EXOC4: variants seen among roughly 807,000 people sequenced by gnomAD.
EXOC4 encodes exocyst complex component 4, also known as SEC8-like 1.
A neutral mutation model predicts 107.2 loss-of-function variants in EXOC4; 71 were observed. The observed-to-expected ratio is 0.66, with a 90% CI of 0.55 to 0.81. The LOEUF (loss-of-function observed/expected upper bound fraction) is 0.81. Ranked by LOEUF, EXOC4 falls within the 30% of genes least tolerant of loss-of-function variation. The pLI is 0.00. For missense variants in EXOC4, 1,108 were observed against 1,189.6 expected, an observed-to-expected ratio of 0.93 and a Z score of 1.01; for synonymous variants, 456 against 441.2, an observed-to-expected ratio of 1.03 and a Z score of -0.42.
chr7:133,917,212 G>A (rs1434918014), intron 12 of EXOC4, among the ~76,000 whole-genome samples: 1 of 152,178 alleles, frequency 6.6e-6, no homozygotes, highest in Non-Finnish European at 1.5e-5. Flanking sequence ...TACTAGTTAT[G>A]TTGTCACTTA....
At chr7:133,325,325 G>A (rs1355382095) in intron 5 of EXOC4, among the ~76,000 whole-genome samples, 3 of 152,128 alleles carry the variant, frequency 2.0e-5, no homozygotes, top group Non-Finnish European at 4.4e-5. Flanking sequence ...TTACAGTTTG[G>A]CATGTTTTTG....
At chr7:133,968,984 A>G (rs1264794352) in intron 14 of EXOC4, among the ~76,000 whole-genome samples, 1 of 152,088 alleles carries the variant, frequency 6.6e-6, no homozygotes, top group Non-Finnish European at 1.5e-5. Flanking sequence ...CACCAGTCAA[A>G]CTTAGGTTAG....
At chr7:133,449,665 G>T (rs1024921466) in intron 7 of EXOC4, among the ~76,000 whole-genome samples, 1 of 151,234 alleles carries the variant, frequency 6.6e-6, no homozygotes, top group Admixed American at 6.6e-5. Flanking sequence ...TGGAAAATGC[G>T]GTAAACTCTT....
In EXOC4 at chr7:133,872,094, GAA is replaced by G. The variant is rs1224605553; in HGVS notation, c.1735-23502_1735-23501del. Among the ~76,000 whole-genome samples the G allele has an allele frequency of 7.2e-5, 11 of 152,082 alleles. No homozygotes were observed. The East Asian group carries it at 2.1e-3, about 29-fold the overall frequency. On this transcript the variant is annotated intron_variant, in intron 11 of 17. Coordinates refer to ENST00000253861, the MANE Select transcript of EXOC4 (RefSeq NM_021807.4). ...TGGTGTGACAGTTCTCGGGAACTAG[GAA>G]AAGAGTCAATGAAAGGAACTGGAGG...
the EXOC4 span, among the ~76,000 whole-genome samples, chr7:134,097,606 G>A: frequency 9.9e-5 from 15 of 152,268 alleles, no homozygotes; most frequent in Non-Finnish European, 1.3e-4. Flanking sequence ...TGAGACAACC[G>A]TCTGGGTGAC....
intron 3 of EXOC4, among the ~76,000 whole-genome samples, chr7:133,304,239 C>G (rs1299261322): frequency 1.3e-5 from 2 of 152,190 alleles, no homozygotes; most frequent in African/African-American, 4.8e-5. Context: ...TCTTTCTCTG[C>G]TAGAGACCTG....
chr7:134,043,899 A>G (rs1264679749), intron 17 of EXOC4, among the ~76,000 whole-genome samples: 7 of 152,170 alleles, frequency 4.6e-5, no homozygotes, highest in Non-Finnish European at 1.0e-4. Context: ...TCATTCCCCA[A>G]CACAGCCTCT....
intron 13 of EXOC4, among the ~76,000 whole-genome samples, chr7:133,922,035 TAC>T (rs1212173368): frequency 6.6e-6 from 1 of 152,242 alleles, no homozygotes; most frequent in African/African-American, 2.4e-5. Flanking sequence ...TCATTTTTGT[TAC>T]AGTGTTTTTT....
chr7:133,283,097 C>A (rs934427593), intron 2 of EXOC4, among the ~76,000 whole-genome samples: 1 of 152,150 alleles, frequency 6.6e-6, no homozygotes, highest in African/African-American at 2.4e-5. Flanking sequence ...TGTGTTGTTG[C>A]AAATGACAAG....
At chr7:133,630,901 T>C (rs1470720563) in intron 10 of EXOC4, among the ~76,000 whole-genome samples, 1 of 152,124 alleles carries the variant, frequency 6.6e-6, no homozygotes, top group African/African-American at 2.4e-5. Context: ...TAAATACTTT[T>C]AAAAAGGTAC....
intron 10 of EXOC4, among the ~76,000 whole-genome samples, chr7:133,635,622 A>G (rs1802689296): frequency 6.6e-6 from 1 of 152,224 alleles, no homozygotes; most frequent in Non-Finnish European, 1.5e-5. Context: ...TGCCTTTGAC[A>G]GGTGCACTTA....
intron 7 of EXOC4, among the ~76,000 whole-genome samples, chr7:133,452,695 C>T (rs1798375085): frequency 6.6e-6 from 1 of 151,262 alleles, no homozygotes; most frequent in African/African-American, 2.4e-5. Context: ...GTTGAGAGCC[C>T]CTGACAGCCT....
At chr7:133,608,485 C>T (rs1462494294) in intron 9 of EXOC4, among the ~76,000 whole-genome samples, 1 of 151,314 alleles carries the variant, frequency 6.6e-6, no homozygotes, top group Non-Finnish European at 1.5e-5. Context: ...GTACTAAAGA[C>T]CCTAGTGGAT....
chr7:134,051,717 G>A (rs1795795561), intron 17 of EXOC4, among the ~76,000 whole-genome samples: 1 of 147,736 alleles, frequency 6.8e-6, no homozygotes, highest in South Asian at 2.1e-4. Flanking sequence ...CCGATGCAGA[G>A]GCTCACGCCT....
intron 10 of EXOC4, among the ~76,000 whole-genome samples, chr7:133,710,955 T>C (rs1019110937): frequency 2.7e-5 from 4 of 147,620 alleles, no homozygotes; most frequent in Non-Finnish European, 4.5e-5. Context: ...TTTTACAAAA[T>C]GAATGAGGGA....
At chr7:133,508,034 C>A (rs1248695474) in intron 9 of EXOC4, among the ~76,000 whole-genome samples, 1 of 151,668 alleles carries the variant, frequency 6.6e-6, no homozygotes, top group Non-Finnish European at 1.5e-5. Context: ...CACTCTCAGC[C>A]TGGGCAACAA....
At chr7:133,607,537 G>T (rs1801977442) in intron 9 of EXOC4, among the ~76,000 whole-genome samples, 1 of 152,104 alleles carries the variant, frequency 6.6e-6, no homozygotes, top group African/African-American at 2.4e-5. Context: ...GCATTTCCCA[G>T]CATCAAGCTC....
intron 9 of EXOC4, among the ~76,000 whole-genome samples, chr7:133,536,787 C>T (rs1800278375): frequency 6.6e-6 from 1 of 152,028 alleles, no homozygotes; most frequent in Non-Finnish European, 1.5e-5. Flanking sequence ...AGGTCCCCTC[C>T]TGGTCCAAGG....
In EXOC4 at chr7:133,937,925, G is replaced by A; in HGVS notation, c.2062G>A (p.Gly688Arg). 6.2e-7 allele frequency: 1 copy of A among 1,614,128 alleles called. No homozygotes were observed. Among genetic ancestry groups the A allele is most frequent in the Non-Finnish European group, 8.5e-7 (1 of 1,180,010 alleles). Residue 688 changes from glycine to arginine, a missense_variant, in exon 14 of 18, where the codon GGG becomes AGG. By Grantham distance (125) the Gly-to-Arg change is moderately radical. Coordinates refer to ENST00000253861, the MANE Select transcript of EXOC4 (RefSeq NM_021807.4). ...TGGCAAGGAGTCTGAAGTTCTTATT[G>A]GGAACCTGGGTGATAAATTAATCCC... ...AFGKESEVLI[G>R]NLGDKLIPPQ...
Sources: allele counts gnomAD v4.1 joint callset (sites outside exome capture counted in the v4.1 genomes callset), GRCh38; gene constraint gnomAD v4.1.1; transcripts MANE v1.5; gene names NCBI Gene and HGNC (gene_info 2026-07-23, HGNC 2026-07-21).